The following ATG10 variants were observed in gnomAD, a reference collection of about 807,000 sequenced individuals.
ATG10 encodes ubiquitin-like-conjugating enzyme ATG10.
In ATG10, 30 loss-of-function variants were observed where a neutral mutation model predicts 32.1. That is an observed-to-expected ratio of 0.94 (90% CI 0.70 to 1.27). The LOEUF (loss-of-function observed/expected upper bound fraction) is 1.27. ATG10 is among the 50% of genes most tolerant of loss of function. The pLI is 0.00. For missense variants in ATG10, 233 were observed against 262.3 expected, an observed-to-expected ratio of 0.89 and a Z score of 0.77; for synonymous variants, 87 against 91.5, an observed-to-expected ratio of 0.95 and a Z score of 0.28.
At chr5:82,096,033 G>A (rs748811531) in intron 3 of ATG10, among the ~76,000 whole-genome samples, 2 of 152,062 alleles carry the variant, frequency 1.3e-5, no homozygotes, top group Non-Finnish European at 2.9e-5. Flanking sequence ...ATATAATTGC[G>A]TGCCACTAAT....
At chr5:82,211,396 C>T (rs1252557335) in intron 5 of ATG10, among the ~76,000 whole-genome samples, 1 of 152,146 alleles carries the variant, frequency 6.6e-6, no homozygotes, top group African/African-American at 2.4e-5. Flanking sequence ...TCTAGCCCTA[C>T]ACGCCTGGGT....
chr5:82,068,972 G>A (rs1282769932), intron 3 of ATG10, among the ~76,000 whole-genome samples: 2 of 150,400 alleles, frequency 1.3e-5, no homozygotes, highest in African/African-American at 4.9e-5. Context: ...AGGGAGATAC[G>A]TTACTTAGAA....
At chr5:82,109,105 G>T (rs576418214) in intron 3 of ATG10, among the ~76,000 whole-genome samples, 1 of 152,048 alleles carries the variant, frequency 6.6e-6, no homozygotes, top group Non-Finnish European at 1.5e-5. Context: ...ACTACATATA[G>T]GAGGCTAAGG....
intron 5 of ATG10, among the ~76,000 whole-genome samples, chr5:82,226,209 T>G (rs1561367064): frequency 6.6e-6 from 1 of 152,194 alleles, no homozygotes; most frequent in African/African-American, 2.4e-5. Context: ...AACCTTTTAA[T>G]TACCACAGTT....
intron 1 of ATG10, among the ~76,000 whole-genome samples, chr5:81,983,627 G>A (rs1761144132): frequency 6.7e-6 from 1 of 150,138 alleles, no homozygotes; most frequent in Non-Finnish European, 1.5e-5. Flanking sequence ...GGGGCGGCTG[G>A]CCGGGCGGGG....
intron 1 of ATG10, among the ~76,000 whole-genome samples, 167 bp from the exon 2 acceptor site, chr5:81,987,392 T>A (rs1338810792): frequency 1.3e-5 from 2 of 152,252 alleles, no homozygotes; most frequent in African/African-American, 4.8e-5. Flanking sequence ...CCCAAATTGC[T>A]GGGATTACAG....
intron 3 of ATG10, among the ~76,000 whole-genome samples, chr5:82,103,640 C>T (rs1014699469): frequency 6.6e-6 from 1 of 151,804 alleles, no homozygotes; most frequent in Non-Finnish European, 1.5e-5. Flanking sequence ...TTTAGAAACC[C>T]ATACTCAGTT....
chr5:82,152,988 A>T (rs548602526), intron 3 of ATG10, among the ~76,000 whole-genome samples: 48 of 152,334 alleles, frequency 3.2e-4, no homozygotes, highest in African/African-American at 1.1e-3. Context: ...GATGCTTGGA[A>T]TACGTAAGTG....
intron 3 of ATG10, among the ~76,000 whole-genome samples, chr5:82,121,941 G>GTTTTTTTTTTTTTTT (rs77349086): frequency 5.9e-4 from 71 of 120,994 alleles, no homozygotes; most frequent in African/African-American, 1.1e-3. Flanking sequence ...TTGGCCTGAA[G>GTTTTTTTTTTTTTTT]TTTTTTTTTT....
In ATG10 at chr5:82,164,381, G is replaced by GT. The variant is rs781285901; in HGVS notation, c.217-13dup. The GT allele has an allele frequency of 1.8e-5, 29 of 1,611,856 alleles. No individual in the cohort carries two copies. Among genetic ancestry groups the GT allele is most frequent in the Non-Finnish European group, 2.5e-5 (29 of 1,179,288 alleles). On this transcript the variant is annotated splice_polypyrimidine_tract_variant and intron_variant, in intron 3 of 7. Transcript: ENST00000282185. Reference sequence around the variant, plus strand: ...TTATTAAGAAACCCGTTTTCGTTTTGTTTTTGCTTTTTTTTAGGAGGCTTT... The same window carrying GT: ...TTATTAAGAAACCCGTTTTCGTTTTGTTTTTTGCTTTTTTTTAGGAGGCTTT...
intron 5 of ATG10, among the ~76,000 whole-genome samples, chr5:82,224,124 A>G (rs765198992): frequency 2.6e-5 from 4 of 152,158 alleles, no homozygotes; most frequent in South Asian, 2.1e-4. Flanking sequence ...GTTTGCTGCT[A>G]TGTATTTAGG....
At chr5:82,226,570 T>G (rs889887239) in intron 5 of ATG10, among the ~76,000 whole-genome samples, 3 of 152,208 alleles carry the variant, frequency 2.0e-5, no homozygotes, top group African/African-American at 7.2e-5. Flanking sequence ...AGGATTATAA[T>G]GGAAGCTTTA....
intron 3 of ATG10, among the ~76,000 whole-genome samples, chr5:82,121,997 G>A (rs1766062598): frequency 6.8e-6 from 1 of 147,110 alleles, no homozygotes; most frequent in South Asian, 2.1e-4. Context: ...GATGATGCTG[G>A]CCTTGTAGAA....
At chr5:82,211,487 T>C (rs888907037) in intron 5 of ATG10, among the ~76,000 whole-genome samples, 1 of 152,174 alleles carries the variant, frequency 6.6e-6, no homozygotes, top group African/African-American at 2.4e-5. Flanking sequence ...CTTTCCACTA[T>C]GCTCTCTGGA....
chr5:82,059,341 A>G (rs1763696840), intron 3 of ATG10, among the ~76,000 whole-genome samples: 1 of 151,906 alleles, frequency 6.6e-6, no homozygotes, highest in African/African-American at 2.4e-5. Flanking sequence ...TCAGTAGTTT[A>G]CCACTGGTAA....
At chr5:82,011,615 T>A (rs1049565874) in intron 2 of ATG10, among the ~76,000 whole-genome samples, 1 of 152,230 alleles carries the variant, frequency 6.6e-6, no homozygotes, top group Non-Finnish European at 1.5e-5. Flanking sequence ...GTTACATTTG[T>A]GCATAGCTTA....
At chr5:82,174,814 C>T (rs1264415188) in intron 4 of ATG10, among the ~76,000 whole-genome samples, 5 of 152,172 alleles carry the variant, frequency 3.3e-5, no homozygotes, top group African/African-American at 1.2e-4. Flanking sequence ...CCTAGCATGC[C>T]ACCAGCAGGG....
intron 3 of ATG10, among the ~76,000 whole-genome samples, chr5:82,115,031 TG>T (rs1369812628): frequency 6.6e-6 from 1 of 152,084 alleles, no homozygotes; most frequent in African/African-American, 2.4e-5. Context: ...AATAGTCATG[TG>T]TGACTAGTGG....
At chr5:82,199,451 G>A (rs1198847352) in intron 5 of ATG10, among the ~76,000 whole-genome samples, 1 of 152,098 alleles carries the variant, frequency 6.6e-6, no homozygotes, top group African/African-American at 2.4e-5. Context: ...GTATTGAAAG[G>A]AGCATAGACT....
Sources: allele counts gnomAD v4.1 joint callset (sites outside exome capture counted in the v4.1 genomes callset), GRCh38; gene constraint gnomAD v4.1.1; transcripts MANE v1.5; gene names NCBI Gene and HGNC (gene_info 2026-07-23, HGNC 2026-07-21).